The following CCSER1 variants were observed in gnomAD, a reference collection of about 807,000 sequenced individuals.
CCSER1 encodes coiled-coil serine rich protein 1, also known as serine-rich coiled-coil domain-containing protein 1.
In CCSER1, 41 loss-of-function variants were observed where a neutral mutation model predicts 82.0. That is an observed-to-expected ratio of 0.50 (90% CI 0.39 to 0.65). The LOEUF is 0.65. Among genes scored for constraint, CCSER1 ranks in the 30% least tolerant of loss-of-function variants. CCSER1 has a pLI of 0.00. For synonymous variants in CCSER1, 414 were observed against 383.9 expected (o/e 1.08, Z -0.92); for missense variants, 1,119 against 1,064.2 (o/e 1.05, Z -0.72).
At chr4:90,571,964 T>A (rs1294741103) in intron 5 of CCSER1, among the ~76,000 whole-genome samples, 1 of 152,194 alleles carries the variant, frequency 6.6e-6, no homozygotes, top group East Asian at 1.9e-4. Context: ...TACTTACTTG[T>A]ACCAGTATTT....
At chr4:90,382,230 T>C (rs906115018) in intron 3 of CCSER1, among the ~76,000 whole-genome samples, 4 of 152,124 alleles carry the variant, frequency 2.6e-5, no homozygotes, top group Non-Finnish European at 5.9e-5. Context: ...TTTGCTACAA[T>C]TATTTTTTAT....
intron 6 of CCSER1, among the ~76,000 whole-genome samples, chr4:90,689,251 T>C (rs1423148562): frequency 1.3e-5 from 2 of 152,080 alleles, no homozygotes; most frequent in African/African-American, 4.8e-5. Flanking sequence ...GGATTCATCC[T>C]CTCTGGGGAT....
intron 9 of CCSER1, among the ~76,000 whole-genome samples, chr4:90,925,984 A>C (rs1729011047): frequency 6.6e-6 from 1 of 152,088 alleles, no homozygotes. Context: ...TACTTAAACA[A>C]ATCAAAAATA....
At chr4:90,703,672 A>G (rs138197252) in intron 6 of CCSER1, among the ~76,000 whole-genome samples, 25,960 of 152,122 alleles carry the variant, frequency 0.17, 2,313 homozygotes, top group Non-Finnish European at 0.19. Context: ...TTGGGTTCAT[A>G]TGTATTTAGG....
In CCSER1 at chr4:90,261,161, G is replaced by GTTT. The variant is rs34782676; in HGVS notation, c.-41-47075_-41-47073dup. 2.0e-3 allele frequency among the ~76,000 whole-genome samples: 295 copies of GTTT among 147,936 alleles called. 2 individuals are homozygous for GTTT. The highest frequency in any genetic ancestry group is 6.9e-3 in the African/African-American group (279 of 40,354). ...ATATTAGTTGTTACCTAGATACACT[G>GTTT]TTTTTTTTTTCACTGTGTTATTGTT... is the stretch of plus-strand genomic sequence containing the variant. On this transcript the variant is annotated intron_variant, in intron 1 of 10. Transcript: ENST00000509176.
chr4:90,711,257 A>AGC (rs1740557118), intron 6 of CCSER1, among the ~76,000 whole-genome samples: 12 of 152,132 alleles, frequency 7.9e-5, no homozygotes, highest in Admixed American at 7.9e-4. Flanking sequence ...TTCTAGATAT[A>AGC]GTGTCATGTT....
intron 1 of CCSER1, among the ~76,000 whole-genome samples, chr4:90,269,409 C>T (rs943539245): frequency 5.3e-5 from 8 of 152,026 alleles, no homozygotes; most frequent in South Asian, 2.1e-4. Context: ...ACACATGGAA[C>T]TTAAATAGTT....
intron 8 of CCSER1, among the ~76,000 whole-genome samples, chr4:90,904,024 G>T (rs1725070898): frequency 1.3e-5 from 2 of 151,832 alleles, no homozygotes; most frequent in Non-Finnish European, 2.9e-5. Flanking sequence ...ACATGAAGTT[G>T]GCAACTTATG....
At chr4:90,449,148 G>A (rs926198747) in intron 4 of CCSER1, among the ~76,000 whole-genome samples, 2 of 152,200 alleles carry the variant, frequency 1.3e-5, no homozygotes, top group African/African-American at 4.8e-5. Context: ...GAGACCCAAT[G>A]TGGATAGCTC....
chr4:90,894,355 G>T (rs77021621), intron 8 of CCSER1, among the ~76,000 whole-genome samples: 5,663 of 151,958 alleles, frequency 0.037, 355 homozygotes, highest in African/African-American at 0.13. Context: ...GGAAATAGTT[G>T]ATCTATGTTT....
At chr4:90,350,960 T>C (rs1252279924) in intron 3 of CCSER1, among the ~76,000 whole-genome samples, 1 of 152,130 alleles carries the variant, frequency 6.6e-6, no homozygotes, top group Non-Finnish European at 1.5e-5. Context: ...CAATAAAATA[T>C]CAGTGGTTTT....
intron 10 of CCSER1, among the ~76,000 whole-genome samples, chr4:91,544,267 G>A (rs1480015635): frequency 6.6e-6 from 1 of 152,152 alleles, no homozygotes; most frequent in East Asian, 1.9e-4. Context: ...TTAGCTCGGA[G>A]AAGTTTGTTA....
chr4:90,630,601 T>C (rs1724194442), intron 6 of CCSER1, among the ~76,000 whole-genome samples: 3 of 152,006 alleles, frequency 2.0e-5, no homozygotes, highest in African/African-American at 7.2e-5. Flanking sequence ...AGGGTCTTTA[T>C]TATCAACAGG....
At chr4:91,418,034 A>G (rs190926147) in intron 10 of CCSER1, among the ~76,000 whole-genome samples, 3 of 152,216 alleles carry the variant, frequency 2.0e-5, no homozygotes, top group Non-Finnish European at 4.4e-5. Flanking sequence ...CTTGACACAA[A>G]AGAATATTGA....
intron 9 of CCSER1, among the ~76,000 whole-genome samples, chr4:90,993,634 T>C (rs909154646): frequency 2.8e-4 from 43 of 152,026 alleles, no homozygotes; most frequent in African/African-American, 1.0e-3. Context: ...AGATAAGGTA[T>C]CAGCAAATTT....
intron 7 of CCSER1, among the ~76,000 whole-genome samples, chr4:90,740,261 G>A (rs1177672884): frequency 6.6e-6 from 1 of 151,776 alleles, no homozygotes; most frequent in Non-Finnish European, 1.5e-5. Context: ...ATTATTATTT[G>A]GTGTCAATAT....
intron 10 of CCSER1, among the ~76,000 whole-genome samples, chr4:91,135,884 TG>T (rs1291450939): frequency 2.6e-5 from 4 of 152,336 alleles, no homozygotes; most frequent in Non-Finnish European, 4.4e-5. Context: ...TTGATGGTCC[TG>T]TGAATCATGA....
chr4:91,369,795 A>G (rs1285465773), intron 10 of CCSER1, among the ~76,000 whole-genome samples: 1 of 150,818 alleles, frequency 6.6e-6, no homozygotes. Flanking sequence ...CAGCCTCCCA[A>G]GTAGCTGGGA....
intron 1 of CCSER1, among the ~76,000 whole-genome samples, chr4:90,242,850 C>G (rs1720623203): frequency 6.6e-6 from 1 of 152,158 alleles, no homozygotes; most frequent in Non-Finnish European, 1.5e-5. Flanking sequence ...CAAGGTCATA[C>G]AGCCAAAAGT....
Sources: gnomAD v4.1 joint callset for allele counts (sites outside exome capture counted in the v4.1 genomes callset) on GRCh38, gnomAD v4.1.1 for gene constraint, MANE v1.5 for transcripts, NCBI Gene and HGNC (gene_info 2026-07-23, HGNC 2026-07-21) for gene names.